Variants in CIB2 observed in about 807,000 individuals in gnomAD.
The protein encoded by CIB2 is calcium and integrin binding family member 2, also known as calcium and integrin-binding family member 2.
CIB2 carries 19 observed loss-of-function variants against 23.1 expected under a neutral mutation model. The observed-to-expected ratio is 0.82, with a 90% confidence interval of 0.57 to 1.21. The LOEUF is 1.21. Ranked by LOEUF, CIB2 falls within the 50% of genes most tolerant of loss-of-function variation. The pLI, the probability that CIB2 is intolerant of heterozygous loss-of-function variation, is 0.00. For synonymous variants in CIB2, 94 were observed against 91.7 expected (o/e 1.03, Z -0.14); for missense variants, 220 against 241.5 (o/e 0.91, Z 0.59).
intron 1 of CIB2, among the ~76,000 whole-genome samples, chr15:78,128,698 A>G (rs1381869513): frequency 2.0e-5 from 3 of 151,794 alleles, no homozygotes; most frequent in Non-Finnish European, 4.4e-5. Flanking sequence ...CCGTCTCAAA[A>G]AAAAAAAAAA....
intron 1 of CIB2, among the ~76,000 whole-genome samples, chr15:78,124,628 G>A (rs976985841): frequency 2.0e-5 from 3 of 152,144 alleles, no homozygotes; most frequent in Admixed American, 6.5e-5. Context: ...ATGCCCAACC[G>A]TAAAGGGCTT....
rs1329221953 is a variant in CIB2 at position 78,131,190 on chromosome 15, G to A, written c.26C>T (p.Thr9Ile). Residue 9 changes from threonine to isoleucine, a missense_variant, in exon 1 of 6, where the codon ACC (threonine) becomes ATC (isoleucine). Transcript: ENST00000258930. This position sits in a 1 kb window ranked among gnomAD's most constrained non-coding sequence, Gnocchi z 5.8. Reference sequence around the variant, plus strand: ...CTGGTAGTTGTCTAGCTGCTCTTCGGTGAAGATGGTCTGCTTGTTCCCCAT... The same window carrying A: ...CTGGTAGTTGTCTAGCTGCTCTTCGATGAAGATGGTCTGCTTGTTCCCCAT... MGNKQTIF[T>I]EEQLDNYQDC... The A allele has an allele frequency of 1.3e-6, 2 of 1,590,110 alleles. No homozygotes were observed. Among genetic ancestry groups the A allele is most frequent in the Admixed American group, 1.7e-5 (1 of 58,778 alleles).
intron 1 of CIB2, among the ~76,000 whole-genome samples, chr15:78,130,660 G>A (rs1192774707): frequency 6.6e-6 from 1 of 152,122 alleles, no homozygotes; most frequent in Admixed American, 6.5e-5. Flanking sequence ...CAGAAGGAGC[G>A]AACCCCAGCC....
chr15:78,126,632 A>C (rs1242645880), intron 1 of CIB2, among the ~76,000 whole-genome samples: 1 of 152,184 alleles, frequency 6.6e-6, no homozygotes, highest in East Asian at 1.9e-4. Flanking sequence ...GCAGGTGCTT[A>C]ATACAGGCTT....
At chr15:78,109,738 T>C (rs1004107206) in intron 3 of CIB2, among the ~76,000 whole-genome samples, 1 of 146,450 alleles carries the variant, frequency 6.8e-6, no homozygotes, top group Non-Finnish European at 1.5e-5. Context: ...GCCCAGGAGT[T>C]TGAGGCTTCA....
At chr15:78,126,138 C>CT (rs2074377385) in intron 1 of CIB2, among the ~76,000 whole-genome samples, 4 of 134,284 alleles carry the variant, frequency 3.0e-5, no homozygotes, top group Admixed American at 1.6e-4. Flanking sequence ...TCCCTTTCCC[C>CT]TGCCCCCCCC....
At chr15:78,125,663 G>A (rs2074372154) in intron 1 of CIB2, among the ~76,000 whole-genome samples, 1 of 152,166 alleles carries the variant, frequency 6.6e-6, no homozygotes, top group South Asian at 2.1e-4. Flanking sequence ...CAGATCTCTT[G>A]AATCAGAAAC....
At chr15:78,117,285 A>AG (rs2141902184) in intron 2 of CIB2, among the ~76,000 whole-genome samples, 1 of 135,512 alleles carries the variant, frequency 7.4e-6, no homozygotes, top group East Asian at 2.2e-4. Flanking sequence ...AGTTTGTTTA[A>AG]AAGAATAAAT....
At chr15:78,105,709 G>GCTCTGCCCTT in intron 5 of CIB2, 30 bp downstream of exon 5, 1 of 1,613,254 alleles carries the variant, frequency 6.2e-7, no homozygotes, top group Non-Finnish European at 8.5e-7. Flanking sequence ...GCTCTGCCCT[G>GCTCTGCCCTT]CCCAAGCCCG....
At chr15:78,105,682 A>G (rs766780373) in intron 5 of CIB2, 57 bp downstream of exon 5, 51 of 1,610,656 alleles carry the variant, frequency 3.2e-5, no homozygotes, top group Non-Finnish European at 4.3e-5. Context: ...CTCAGCCCCA[A>G]CATCCCGGCC....
intron 1 of CIB2, among the ~76,000 whole-genome samples, chr15:78,128,548 G>A (rs939275736): frequency 6.6e-6 from 1 of 152,130 alleles, no homozygotes. Context: ...ATGGTGGTGG[G>A]TGCCTGTAAT....
intron 1 of CIB2, among the ~76,000 whole-genome samples, chr15:78,128,350 A>C (rs1342189232): frequency 1.3e-5 from 2 of 152,186 alleles, no homozygotes; most frequent in African/African-American, 2.4e-5. Context: ...CAGTGTGCCT[A>C]AAACTTTGGG....
rs1025745427 is a variant in CIB2 at position 78,131,431 on chromosome 15, C to G, written c.-216G>C. The G allele has an allele frequency of 2.2e-3, 434 of 193,588 alleles. No homozygotes were observed. The highest frequency in any genetic ancestry group is 4.2e-3 in the Middle Eastern group (2 of 476). The allele number at this position is 193,588 out of a possible 1,614,324, so 12.0% of individuals were successfully genotyped here. ...GAACCCGGAGCGGCAGCGACTCCGCCGCCGGCGGGAAGAGGGCGGGGCACC... is the reference window on the plus strand; with the variant it reads ...GAACCCGGAGCGGCAGCGACTCCGCGGCCGGCGGGAAGAGGGCGGGGCACC... On this transcript the variant is annotated 5_prime_UTR_variant, in exon 1 of 6. Coordinates refer to ENST00000258930, the MANE Select transcript of CIB2 (RefSeq NM_006383.4). This position sits in a 1 kb window ranked among gnomAD's most constrained non-coding sequence, Gnocchi z 5.8.
chr15:78,118,254 T>C (rs2074267505), intron 2 of CIB2, among the ~76,000 whole-genome samples: 1 of 152,118 alleles, frequency 6.6e-6, no homozygotes, highest in South Asian at 2.1e-4. Context: ...TCTTGGGTAG[T>C]AGGGGGACAG....
intron 4 of CIB2, 55 bp downstream of exon 4, chr15:78,109,180 G>A (rs2074114652): frequency 6.9e-7 from 1 of 1,447,640 alleles, no homozygotes; most frequent in Non-Finnish European, 9.4e-7. Flanking sequence ...ACAGCCTAAG[G>A]GCCCCACATG....
chr15:78,126,599 G>A (rs771852260), intron 1 of CIB2, among the ~76,000 whole-genome samples: 8 of 152,218 alleles, frequency 5.3e-5, no homozygotes, highest in Non-Finnish European at 8.8e-5. Flanking sequence ...TGCGTCTGCT[G>A]TGTATTCCTA....
rs60332437 is a variant in CIB2 at position 78,117,246 on chromosome 15, CAAAAA to C, written c.87-5975_87-5971del. On this transcript the variant is annotated intron_variant, in intron 2 of 5. Transcript: ENST00000258930. ...GTTAAGTGTTTCTTCAAGCTACTGG[CAAAAA>C]AAAAAAAAAAAAAAAAAAAAAAAAG... 7.9e-3 allele frequency among the ~76,000 whole-genome samples: 438 copies of C among 55,404 alleles called. 2 individuals carry two copies. Among genetic ancestry groups the C allele is most frequent in the African/African-American group, 0.019 (216 of 11,188 alleles). The allele number at this position is 55,404 out of a possible 152,430, so 36.3% of individuals were successfully genotyped here.
chr15:78,121,172 G>A (rs577539358), intron 2 of CIB2, among the ~76,000 whole-genome samples: 2 of 152,272 alleles, frequency 1.3e-5, no homozygotes, highest in Non-Finnish European at 2.9e-5. Flanking sequence ...GGACAGGTGG[G>A]CAGCAAACTC....
chr15:78,123,930 A>C (rs927777723), intron 1 of CIB2, among the ~76,000 whole-genome samples, 191 bp from the exon 2 acceptor site: 1 of 152,162 alleles, frequency 6.6e-6, no homozygotes, highest in Non-Finnish European at 1.5e-5. Context: ...AATGCCTCCC[A>C]AAACCTTTAT....
Sources: gnomAD v4.1 joint callset for allele counts (sites outside exome capture counted in the v4.1 genomes callset) on GRCh38, gnomAD v4.1.1 for gene constraint, Gnocchi (gnomAD v3.1) non-coding constraint, MANE v1.5 for transcripts, NCBI Gene and HGNC (gene_info 2026-07-23, HGNC 2026-07-21) for gene names.